The following WDR70 variants were observed in gnomAD, a reference collection of about 807,000 sequenced individuals.
WDR70 encodes the protein WD repeat-containing protein 70.
Under a neutral mutation model 88.6 loss-of-function variants are expected in WDR70, and 53 were observed. The observed-to-expected ratio is 0.60, with a 90% CI of 0.48 to 0.75. The LOEUF is 0.75. Ranked by LOEUF, WDR70 falls within the 30% of genes least tolerant of loss-of-function variation. WDR70 has a pLI of 0.00. For synonymous variants in WDR70, 280 were observed against 270.0 expected, an observed-to-expected ratio of 1.04 and a Z score of -0.36; for missense variants, 610 against 823.2, an observed-to-expected ratio of 0.74 and a Z score of 3.17.
Position 37,671,971 on chromosome 5 carries a change from G to T in WDR70, c.1093-25684G>T, listed in dbSNP as rs188391404. On this transcript the variant is annotated intron_variant, in intron 10 of 17. Transcript: ENST00000265107. ...GACATAAGAAATTCCATTTTGATCT[G>T]TATTTGAACAATTGTTTTGCCTTGA... 4.4e-3 allele frequency among the ~76,000 whole-genome samples: 666 copies of T among 152,268 alleles called. 3 individuals are homozygous for T. The highest frequency in any genetic ancestry group is 7.0e-3 in the Non-Finnish European group (476 of 68,010).
At chr5:37,427,449 C>T (rs1042963181) in intron 5 of WDR70, among the ~76,000 whole-genome samples, 3 of 151,920 alleles carry the variant, frequency 2.0e-5, no homozygotes, top group African/African-American at 2.4e-5. Flanking sequence ...TACACATGCA[C>T]ACATAGACGT....
At chr5:37,384,759 T>C (rs1347514828) in intron 3 of WDR70, among the ~76,000 whole-genome samples, 1 of 150,540 alleles carries the variant, frequency 6.6e-6, no homozygotes, top group Non-Finnish European at 1.5e-5. Flanking sequence ...CCTTCCAAAG[T>C]GCTAGGATTA....
chr5:37,506,969 C>G, intron 8 of WDR70: 1 of 659,632 alleles, frequency 1.5e-6, no homozygotes, highest in Non-Finnish European at 2.8e-6. Flanking sequence ...GATTCACCTC[C>G]CTTTGCCACC....
chr5:37,629,382 C>T (rs896316013), intron 10 of WDR70, among the ~76,000 whole-genome samples: 2 of 151,990 alleles, frequency 1.3e-5, no homozygotes, highest in Non-Finnish European at 2.9e-5. Context: ...TCACCTTTAC[C>T]CTTCTTTTTT....
chr5:37,521,703 T>TACAC (rs59206188), intron 9 of WDR70, among the ~76,000 whole-genome samples: 11,558 of 145,236 alleles, frequency 0.08, 473 homozygotes, highest in South Asian at 0.12. Flanking sequence ...AGTCCAAGTA[T>TACAC]ACACACACAC....
At chr5:37,724,873 T>C in intron 15 of WDR70, 61 bp from the exon 16 acceptor site, 1 of 1,404,214 alleles carries the variant, frequency 7.1e-7, no homozygotes. Flanking sequence ...ATGCTTTAAC[T>C]ATGTTTTTGG....
intron 10 of WDR70, among the ~76,000 whole-genome samples, chr5:37,624,622 T>C (rs1744615414): frequency 6.6e-6 from 1 of 152,148 alleles, no homozygotes; most frequent in African/African-American, 2.4e-5. Context: ...AAAAGGCAGA[T>C]TAATTAGAGA....
chr5:37,394,337 T>C (rs1160978699), intron 4 of WDR70, among the ~76,000 whole-genome samples: 1 of 151,676 alleles, frequency 6.6e-6, no homozygotes, highest in African/African-American at 2.4e-5. Flanking sequence ...TGGAAACTTG[T>C]GCGTTAATCA....
At chr5:37,385,191 T>C (rs548350640) in intron 3 of WDR70, among the ~76,000 whole-genome samples, 10 of 152,164 alleles carry the variant, frequency 6.6e-5, no homozygotes, top group Admixed American at 4.6e-4. Flanking sequence ...TACCCCTGTG[T>C]TCAGCTACCC....
intron 8 of WDR70, among the ~76,000 whole-genome samples, chr5:37,494,474 G>T (rs919240727): frequency 5.3e-5 from 8 of 152,138 alleles, no homozygotes; most frequent in African/African-American, 1.9e-4. Context: ...AACGGGGGAG[G>T]TTATTTTGGA....
chr5:37,497,427 C>CTCTTCCCTTCCCTCCCG (rs1740260240), intron 8 of WDR70, among the ~76,000 whole-genome samples: 1 of 34,840 alleles, frequency 2.9e-5, no homozygotes, highest in Non-Finnish European at 9.3e-5. Flanking sequence ...CTTCCCTTCC[C>CTCTTCCCTTCCCTCCCG]TCTTCCCTTC....
At chr5:37,549,486 T>C (rs1742082749) in intron 9 of WDR70, among the ~76,000 whole-genome samples, 1 of 152,188 alleles carries the variant, frequency 6.6e-6, no homozygotes, top group East Asian at 1.9e-4. Context: ...GTTGATTTTG[T>C]ATTCTGTAAC....
At chr5:37,667,188 A>C (rs191748767) in intron 10 of WDR70, among the ~76,000 whole-genome samples, 46 of 152,314 alleles carry the variant, frequency 3.0e-4, no homozygotes, top group African/African-American at 1.1e-3. Context: ...AAGGAGAAAA[A>C]AAGTTATTTT....
At chr5:37,499,459 C>A (rs1740329029) in intron 8 of WDR70, among the ~76,000 whole-genome samples, 1 of 150,872 alleles carries the variant, frequency 6.6e-6, no homozygotes, top group South Asian at 2.1e-4. Flanking sequence ...TGTCTATATT[C>A]AATTTTTTTC....
chr5:37,597,149 G>A (rs1344036668), intron 9 of WDR70, among the ~76,000 whole-genome samples: 1 of 152,132 alleles, frequency 6.6e-6, no homozygotes, highest in African/African-American at 2.4e-5. Flanking sequence ...CAAAGCTGCT[G>A]TAATTATTCA....
chr5:37,497,479 TCTTCC>T (rs146515396), intron 8 of WDR70, among the ~76,000 whole-genome samples: 41 of 128,366 alleles, frequency 3.2e-4, no homozygotes, highest in South Asian at 1.4e-3. Flanking sequence ...TTTCCTTCCC[TCTTCC>T]CTTCCCTTCC....
At chr5:37,619,085 G>A (rs966166201) in intron 10 of WDR70, among the ~76,000 whole-genome samples, 4 of 152,070 alleles carry the variant, frequency 2.6e-5, no homozygotes, top group South Asian at 2.1e-4. Context: ...TTTATAAAAC[G>A]TATTTGCTCA....
intron 10 of WDR70, among the ~76,000 whole-genome samples, chr5:37,673,316 G>A (rs1025974967): frequency 7.2e-5 from 11 of 152,024 alleles, no homozygotes; most frequent in African/African-American, 2.7e-4. Context: ...TGAGCTTTTA[G>A]GCTTATTCCA....
chr5:37,558,108 A>G (rs1486930913), intron 9 of WDR70, among the ~76,000 whole-genome samples: 1 of 151,940 alleles, frequency 6.6e-6, no homozygotes, highest in Non-Finnish European at 1.5e-5. Flanking sequence ...TTTCAGTAGT[A>G]GTTAAAATTC....
Sources: gnomAD v4.1 joint callset for allele counts (sites outside exome capture counted in the v4.1 genomes callset) on GRCh38, gnomAD v4.1.1 for gene constraint, MANE v1.5 for transcripts, NCBI Gene and HGNC (gene_info 2026-07-23, HGNC 2026-07-21) for gene names.